FHIT: variants seen among roughly 807,000 people sequenced by gnomAD.
The protein encoded by FHIT is bis(5'-adenosyl)-triphosphatase.
In FHIT, 19 loss-of-function variants were observed where a neutral mutation model predicts 17.9. The ratio of observed to expected loss-of-function variants is 1.06; its 90% CI spans 0.74 to 1.56. The LOEUF (loss-of-function observed/expected upper bound fraction) is 1.56. FHIT is among the 40% of genes most tolerant of loss of function. The probability of loss-of-function intolerance (pLI) is 0.00; values close to 1 mark genes in which losing one functional copy is unlikely to be tolerated. For synonymous variants in FHIT, 81 were observed against 69.7 expected (o/e 1.16, Z -0.81); for missense variants, 248 against 189.2 (o/e 1.31, Z -1.82).
chr3:60,568,109 A>G (rs2037208135), intron 4 of FHIT, among the ~76,000 whole-genome samples: 1 of 152,220 alleles, frequency 6.6e-6, no homozygotes, highest in South Asian at 2.1e-4. Flanking sequence ...ATTACTGAGT[A>G]TATACCCAAA....
intron 2 of FHIT, among the ~76,000 whole-genome samples, chr3:61,197,549 G>A (rs755219708): frequency 4.0e-4 from 61 of 152,262 alleles, no homozygotes; most frequent in African/African-American, 1.5e-3. Flanking sequence ...AGGGGAAATA[G>A]AGAAAACTTG....
At chr3:60,376,188 A>G (rs1700552772) in intron 5 of FHIT, among the ~76,000 whole-genome samples, 1 of 152,178 alleles carries the variant, frequency 6.6e-6, no homozygotes, top group Non-Finnish European at 1.5e-5. Flanking sequence ...TAGAGTAACT[A>G]GGTCTGTCTT....
intron 5 of FHIT, among the ~76,000 whole-genome samples, chr3:60,314,169 CTT>C (rs1709067952): frequency 6.6e-6 from 1 of 152,132 alleles, no homozygotes; most frequent in Non-Finnish European, 1.5e-5. Context: ...CTGTCCTGCT[CTT>C]GTGTCTTAAT....
intron 5 of FHIT, among the ~76,000 whole-genome samples, chr3:60,188,584 G>A (rs1466663100): frequency 6.6e-6 from 1 of 152,050 alleles, no homozygotes; most frequent in African/African-American, 2.4e-5. Flanking sequence ...TATGAGTTAA[G>A]GAGTGCCTTC....
chr3:61,150,437 C>A (rs1311063863), intron 2 of FHIT, among the ~76,000 whole-genome samples: 1 of 152,022 alleles, frequency 6.6e-6, no homozygotes. Context: ...TCCCAAAGTG[C>A]TAGGATTACA....
chr3:60,522,572 T>C (rs1468250155), intron 5 of FHIT, among the ~76,000 whole-genome samples: 1 of 152,156 alleles, frequency 6.6e-6, no homozygotes, highest in African/African-American at 2.4e-5. Flanking sequence ...CTGCACCCAG[T>C]TCAGACAAGA....
chr3:60,589,768 G>C (rs1553663474), intron 4 of FHIT, among the ~76,000 whole-genome samples: 3 of 152,048 alleles, frequency 2.0e-5, no homozygotes, highest in African/African-American at 2.4e-5. Context: ...CACCAAAGCA[G>C]TATATTTTTG....
At chr3:60,787,364 G>T (rs1700619350) in intron 4 of FHIT, among the ~76,000 whole-genome samples, 1 of 152,136 alleles carries the variant, frequency 6.6e-6, no homozygotes, top group South Asian at 2.1e-4. Flanking sequence ...CCTCAGAGAA[G>T]CTCTCCTGGA....
Position 61,123,500 on chromosome 3 carries a change from T to TAA in FHIT, c.-164+77115_-164+77116dup, listed in dbSNP as rs148138483. Among the ~76,000 whole-genome samples, 247 of 149,160 alleles carry TAA rather than the reference T, an allele frequency of 1.7e-3. 1 individual carries two copies. Among genetic ancestry groups the TAA allele is most frequent in the African/African-American group, 4.6e-3 (188 of 40,590 alleles). On this transcript the variant is annotated intron_variant, in intron 2 of 9. Transcript: ENST00000492590. ...ATGTATCCCAGAGCTTAAAGTATAA[T>TAA]AAAAAAAAAGGAGAAGAACAAAAAA...
intron 5 of FHIT, among the ~76,000 whole-genome samples, chr3:60,432,023 T>A (rs193108895): frequency 2.1e-4 from 32 of 152,224 alleles, no homozygotes; most frequent in African/African-American, 7.7e-4. Flanking sequence ...TCACCCAGGC[T>A]AGAGTGCAGT....
At chr3:59,779,806 T>G (rs368983110) in intron 8 of FHIT, among the ~76,000 whole-genome samples, 1 of 152,180 alleles carries the variant, frequency 6.6e-6, no homozygotes. Context: ...TGCCTTGCCA[T>G]GCTCCCAGCA....
chr3:60,531,810 C>T (rs538542791), intron 5 of FHIT, among the ~76,000 whole-genome samples: 126 of 152,268 alleles, frequency 8.3e-4, no homozygotes, highest in Admixed American at 1.8e-3. Flanking sequence ...AACATGGTAA[C>T]GGTCTGAAAA....
intron 8 of FHIT, among the ~76,000 whole-genome samples, chr3:59,879,922 C>T (rs1703332501): frequency 9.0e-6 from 1 of 110,564 alleles, no homozygotes; most frequent in Non-Finnish European, 1.6e-5. Flanking sequence ...TTCCCCCACC[C>T]CCCCCCCCCC....
chr3:59,853,468 T>C (rs556644830), intron 8 of FHIT, among the ~76,000 whole-genome samples: 28 of 152,326 alleles, frequency 1.8e-4, no homozygotes, highest in African/African-American at 6.5e-4. Flanking sequence ...ATGAATAATA[T>C]ATTTAAATTA....
At chr3:60,515,361 A>T (rs1019582194) in intron 5 of FHIT, among the ~76,000 whole-genome samples, 3 of 152,194 alleles carry the variant, frequency 2.0e-5, no homozygotes, top group African/African-American at 7.2e-5. Context: ...CTATACATTT[A>T]CGGGACGTGA....
intron 5 of FHIT, among the ~76,000 whole-genome samples, chr3:60,102,930 C>T (rs989184159): frequency 2.6e-5 from 4 of 152,176 alleles, no homozygotes; most frequent in African/African-American, 9.7e-5. Flanking sequence ...CATGCATTTG[C>T]GAAGGTGCCA....
At chr3:60,613,658 C>A (rs715382) in intron 4 of FHIT, among the ~76,000 whole-genome samples, 24,160 of 152,014 alleles carry the variant, frequency 0.16, 2,024 homozygotes, top group East Asian at 0.2. Context: ...TCTTTAACTT[C>A]CATTTCTTTC....
chr3:61,215,730 C>T (rs1230231211), intron 1 of FHIT, among the ~76,000 whole-genome samples: 2 of 152,200 alleles, frequency 1.3e-5, no homozygotes, highest in South Asian at 2.1e-4. Context: ...CATCACTCTA[C>T]CTGACTTCAA....
At chr3:60,615,929 A>G (rs993123733) in intron 4 of FHIT, among the ~76,000 whole-genome samples, 3 of 152,186 alleles carry the variant, frequency 2.0e-5, no homozygotes, top group Admixed American at 6.5e-5. Flanking sequence ...GAGATAAAGA[A>G]ACTGTTCTTT....
Sources: gnomAD v4.1 joint callset for allele counts (sites outside exome capture counted in the v4.1 genomes callset) on GRCh38, gnomAD v4.1.1 for gene constraint, MANE v1.5 for transcripts, NCBI Gene and HGNC (gene_info 2026-07-23, HGNC 2026-07-21) for gene names.